Variants in TOX observed in about 807,000 individuals in gnomAD.
TOX encodes the protein thymocyte selection associated high mobility group box.
TOX carries 11 observed loss-of-function variants against 53.7 expected under a neutral mutation model. The observed-to-expected ratio is 0.20, with a 90% confidence interval of 0.13 to 0.34. TOX has a LOEUF of 0.34. TOX is among the 10% of genes least tolerant of loss of function. The pLI is 1.00. For missense variants in TOX, 570 were observed against 664.6 expected, an observed-to-expected ratio of 0.86 and a Z score of 1.56; for synonymous variants, 225 against 245.3, an observed-to-expected ratio of 0.92 and a Z score of 0.77.
At chr8:58,938,802 T>C (rs1040580871) in intron 3 of TOX, among the ~76,000 whole-genome samples, 1 of 152,246 alleles carries the variant, frequency 6.6e-6, no homozygotes, top group Non-Finnish European at 1.5e-5. Context: ...GAGATAAATT[T>C]TGATCACCAG....
At chr8:59,084,947 T>G (rs1045552670) in intron 1 of TOX, among the ~76,000 whole-genome samples, 1 of 152,216 alleles carries the variant, frequency 6.6e-6, no homozygotes, top group African/African-American at 2.4e-5. Context: ...GAAATGGATA[T>G]ATCAATGGAT....
chr8:59,062,379 G>GT (rs1804001273), intron 1 of TOX, among the ~76,000 whole-genome samples: 1 of 152,222 alleles, frequency 6.6e-6, no homozygotes, highest in Non-Finnish European at 1.5e-5. Flanking sequence ...GCAAATACCA[G>GT]TAAGGGCTGG....
intron 1 of TOX, among the ~76,000 whole-genome samples, chr8:59,111,299 G>C (rs1586026358): frequency 6.6e-6 from 1 of 152,034 alleles, no homozygotes; most frequent in Non-Finnish European, 1.5e-5. Flanking sequence ...AAAAAGACCT[G>C]GTTCTTTAGT....
Position 58,851,849 on chromosome 8 carries a change from A to G in TOX, c.412-44T>C, listed in dbSNP as rs115505434. The G allele has an allele frequency of 8.0e-4, 1,018 of 1,265,422 alleles. 10 individuals carry two copies. The African/African-American group carries it at 0.014, about 18-fold the overall frequency. The allele number at this position is 1,265,422 out of a possible 1,614,324, so 78.4% of individuals were successfully genotyped here. A position where few individuals can be genotyped will look rare whatever the true frequency, so the allele number is the denominator to read the frequency against. Reference sequence around the variant, plus strand: ...TAAATAAATAAATAAATAAATAAATAGGAAAGGAGTAATTTTAACAAATAT... The same window carrying G: ...TAAATAAATAAATAAATAAATAAATGGGAAAGGAGTAATTTTAACAAATAT... On this transcript the variant is annotated intron_variant, in intron 3 of 8. Transcript: ENST00000361421. This position sits in a 1 kb window ranked among gnomAD's most constrained non-coding sequence, Gnocchi z 4.4.
intron 1 of TOX, among the ~76,000 whole-genome samples, chr8:59,018,643 GA>G (rs1814060763): frequency 6.6e-6 from 1 of 151,982 alleles, no homozygotes; most frequent in African/African-American, 2.4e-5. Context: ...GGGTGTTCCG[GA>G]GTTTCTTCAC....
intron 7 of TOX, chr8:58,814,676 G>A (rs1324746207): frequency 6.6e-6 from 1 of 152,170 alleles, no homozygotes; most frequent in African/African-American, 2.4e-5. Context: ...AAATCCAAAA[G>A]CAATATTTGA....
At chr8:58,934,438 C>T (rs1303419862) in intron 3 of TOX, among the ~76,000 whole-genome samples, 1 of 152,154 alleles carries the variant, frequency 6.6e-6, no homozygotes, top group Non-Finnish European at 1.5e-5. Context: ...TTGAATATAT[C>T]TAGCCAGACA....
At chr8:59,072,308 A>C (rs971874862) in intron 1 of TOX, among the ~76,000 whole-genome samples, 1 of 152,198 alleles carries the variant, frequency 6.6e-6, no homozygotes, top group East Asian at 1.9e-4. Flanking sequence ...TGACTAAAAA[A>C]ATCTTTCCGC....
At position 58,806,058 on chromosome 8, in the gene TOX, G is replaced by C. The variant is rs1467544554; in HGVS notation, c.*1689C>G. 2 of 152,496 alleles carry C rather than the reference G, an allele frequency of 1.3e-5. No homozygotes were observed. Among genetic ancestry groups the C allele is most frequent in the South Asian group, 4.1e-4 (2 of 4,834 alleles). The allele number at this position is 152,496 out of a possible 1,614,324, so 9.4% of individuals were successfully genotyped here. A position where few individuals can be genotyped will look rare whatever the true frequency, so the allele number is the denominator to read the frequency against. On this transcript the variant is annotated 3_prime_UTR_variant, in exon 9 of 9. Coordinates refer to ENST00000361421, the MANE Select transcript of TOX (RefSeq NM_014729.3). ...TTTCTTGATATGATCCCCTAAAAAG[G>C]AGTAAATCTGCTAGCTTTTTCTTTT...
At chr8:58,835,289 G>C (rs973680129) in intron 5 of TOX, among the ~76,000 whole-genome samples, 3 of 152,080 alleles carry the variant, frequency 2.0e-5, no homozygotes, top group African/African-American at 7.2e-5. Context: ...AAAAGAGAAA[G>C]AGAAAAATAT....
intron 4 of TOX, among the ~76,000 whole-genome samples, chr8:58,840,789 G>A (rs1375259398): frequency 2.0e-5 from 3 of 151,938 alleles, no homozygotes; most frequent in East Asian, 1.9e-4. Context: ...CTTTCCTGTC[G>A]ATTAGCTCTC....
rs531212960 is a variant in TOX, at chr8:59,118,525, C to T, written c.102+361G>A. Among the ~76,000 whole-genome samples the T allele has an allele frequency of 5.3e-5, 8 of 152,248 alleles. No homozygotes were observed. The East Asian group carries it at 1.6e-3, about 30-fold the overall frequency. On this transcript the variant is annotated intron_variant, in intron 1 of 8. Coordinates refer to ENST00000361421, the MANE Select transcript of TOX (RefSeq NM_014729.3). The surrounding 1 kb of genome is among the most constrained non-coding windows in gnomAD (Gnocchi z 4.1). ...GGGGAACTGGGAAATAAACTGAATT[C>T]TCTTACTCTGCCTCCGTTCCTGGAC...
chr8:58,854,315 T>C (rs1392624564), intron 3 of TOX, among the ~76,000 whole-genome samples: 2 of 152,222 alleles, frequency 1.3e-5, no homozygotes, highest in Non-Finnish European at 2.9e-5. Flanking sequence ...GGTTTTAATA[T>C]ATCAGAGAGG....
At chr8:58,820,606 G>A (rs960852165) in intron 6 of TOX, among the ~76,000 whole-genome samples, 3 of 152,104 alleles carry the variant, frequency 2.0e-5, no homozygotes, top group Admixed American at 2.0e-4. Context: ...TTTGATTTTT[G>A]GAAACAGCTA....
chr8:59,118,774 C>G lies in TOX; in HGVS notation c.102+112G>C, dbSNP rs1461407440. The G allele has an allele frequency of 9.7e-6, 6 of 615,658 alleles. No homozygotes were observed. The highest frequency in any genetic ancestry group is 1.5e-5 in the Non-Finnish European group (6 of 391,404). 38.1% of individuals were successfully genotyped at this position (615,658 alleles called of 1,614,324 possible). On this transcript the variant is annotated intron_variant, in intron 1 of 8. Coordinates refer to ENST00000361421, the MANE Select transcript of TOX (RefSeq NM_014729.3). This position sits in a 1 kb window ranked among gnomAD's most constrained non-coding sequence, Gnocchi z 4.1. ...AGGCTGCAGCGGGCTGCGAGCCGAG[C>G]GCGCCCGGGACCGGCCTCCGCCAAG... is the stretch of plus-strand genomic sequence containing the variant.
intron 2 of TOX, among the ~76,000 whole-genome samples, chr8:58,943,033 T>C (rs1812467442): frequency 6.6e-6 from 1 of 152,226 alleles, no homozygotes; most frequent in African/African-American, 2.4e-5. Context: ...ATCTTTTCTT[T>C]GTAAATCACC....
rs1455816321 is a variant in TOX, at chr8:58,842,172, G to C, written c.694-3861C>G. Among the ~76,000 whole-genome samples, 4 of 152,194 alleles carry C rather than the reference G, an allele frequency of 2.6e-5. No homozygotes were observed. The South Asian group carries it at 8.3e-4, about 32-fold the overall frequency. ...ATATTACTTCTGGGTGTGTCTGTGA[G>C]GGTGGTTTCCAGAGGAGACTGGGGT... On this transcript the variant is annotated intron_variant, in intron 4 of 8. Transcript: ENST00000361421.
intron 1 of TOX, among the ~76,000 whole-genome samples, chr8:59,032,318 T>A (rs1437819378): frequency 6.6e-6 from 1 of 152,206 alleles, no homozygotes; most frequent in East Asian, 1.9e-4. Flanking sequence ...TAAAATCAAA[T>A]AACAGAAATA....
intron 3 of TOX, among the ~76,000 whole-genome samples, chr8:58,863,416 T>C (rs1228217734): frequency 2.0e-5 from 3 of 152,174 alleles, no homozygotes; most frequent in African/African-American, 7.2e-5. Context: ...AATTACCCTA[T>C]TTAGGACTCA....
Sources: gnomAD v4.1 joint callset for allele counts (sites outside exome capture counted in the v4.1 genomes callset) on GRCh38, gnomAD v4.1.1 for gene constraint, Gnocchi (gnomAD v3.1) non-coding constraint, MANE v1.5 for transcripts, NCBI Gene and HGNC (gene_info 2026-07-23, HGNC 2026-07-21) for gene names.